Variants in APAF1 observed in about 807,000 individuals in gnomAD.
APAF1 encodes apoptotic peptidase activating factor 1, also known as apoptotic protease-activating factor 1.
In APAF1, 91 loss-of-function variants were observed where a neutral mutation model predicts 152.4. The ratio of observed to expected loss-of-function variants is 0.60; its 90% CI spans 0.50 to 0.71. The LOEUF (loss-of-function observed/expected upper bound fraction) is 0.71, where lower values mean the gene tolerates loss of function less well. APAF1 is among the 30% of genes least tolerant of loss of function. The pLI is 0.00. For synonymous variants in APAF1, 484 were observed against 494.1 expected, an observed-to-expected ratio of 0.98 and a Z score of 0.27; for missense variants, 1,283 against 1,472.0, an observed-to-expected ratio of 0.87 and a Z score of 2.10.
intron 16 of APAF1, among the ~76,000 whole-genome samples, chr12:98,690,176 G>C (rs1464950883): frequency 6.6e-6 from 1 of 152,218 alleles, no homozygotes; most frequent in Non-Finnish European, 1.5e-5. Flanking sequence ...TACTCTGGTT[G>C]AATCTTTGAT....
chr12:98,726,462 T>C (rs761360731), intron 25 of APAF1: 1 of 152,694 alleles, frequency 6.5e-6, no homozygotes, highest in Non-Finnish European at 1.5e-5. Context: ...GGAACAGGTA[T>C]ATAGTGCAGA....
chr12:98,649,441 A>G (rs201499126), intron 3 of APAF1, 46 bp from the exon 4 acceptor site: 2 of 1,591,616 alleles, frequency 1.3e-6, no homozygotes, highest in South Asian at 1.1e-5. Flanking sequence ...TTCAGTAATT[A>G]TTCCAAAGTT....
Position 98,671,076 on chromosome 12 carries a change from T to A in APAF1, c.1598T>A (p.Leu533Gln), listed in dbSNP as rs772870332. 6.3e-7 allele frequency: 1 copy of A among 1,582,178 alleles called. No homozygotes were observed. The highest frequency in any genetic ancestry group is 8.7e-7 in the Non-Finnish European group (1 of 1,151,840). ...IHEFVEYRHI[L>Q]DEKDCAVSEN... ...GAATTTGTGGAATACAGACATATAC[T>A]AGATGAAAAGGTATATATATTAACA... The change falls in exon 11 of 27, where the codon CTA becomes CAA. Residue 533 changes from leucine to glutamine, a missense_variant. By Grantham distance (113) the Leu-to-Gln change is moderately radical. Transcript: ENST00000551964.
intron 26 of APAF1, 137 bp downstream of exon 26, chr12:98,727,453 G>A (rs1226286708): frequency 2.1e-6 from 2 of 962,810 alleles, no homozygotes; most frequent in South Asian, 1.5e-5. Context: ...AGGCTAAGGT[G>A]GGAGGATCGC....
chr12:98,726,842 C>T, intron 25 of APAF1: 1 of 244,658 alleles, frequency 4.1e-6, no homozygotes, highest in Non-Finnish European at 8.0e-6. Flanking sequence ...TATGTACTAC[C>T]TTACTGAACT....
chr12:98,684,462 C>G (rs1435887298), intron 15 of APAF1, among the ~76,000 whole-genome samples: 2 of 150,444 alleles, frequency 1.3e-5, no homozygotes, highest in Admixed American at 1.3e-4. Flanking sequence ...CTCTCCTCCT[C>G]CCTCTCTTCT....
At chr12:98,674,067 C>T (rs965841672) in intron 12 of APAF1, among the ~76,000 whole-genome samples, 1 of 152,110 alleles carries the variant, frequency 6.6e-6, no homozygotes, top group Non-Finnish European at 1.5e-5. Flanking sequence ...ATGATCACTG[C>T]TCACTGTAGC....
chr12:98,667,712 C>CT (rs1346444821), intron 10 of APAF1, 68 bp downstream of exon 10: 5 of 1,415,426 alleles, frequency 3.5e-6, no homozygotes, highest in Middle Eastern at 1.8e-4. Flanking sequence ...CAAATAAGTG[C>CT]TTTTTTTCTG....
chr12:98,676,828 A>G (rs1347797778), intron 12 of APAF1, among the ~76,000 whole-genome samples: 1 of 152,114 alleles, frequency 6.6e-6, no homozygotes, highest in Non-Finnish European at 1.5e-5. Context: ...TATCTTTAGT[A>G]GAGACGGTGT....
chr12:98,703,623 T>C, intron 18 of APAF1, 124 bp downstream of exon 18: 1 of 1,220,462 alleles, frequency 8.2e-7, no homozygotes, highest in East Asian at 2.4e-5. Flanking sequence ...GTATTTTCTT[T>C]ATAGCCTAAT....
At chr12:98,672,763 A>AT (rs1175204147) in intron 12 of APAF1, among the ~76,000 whole-genome samples, 1 of 151,244 alleles carries the variant, frequency 6.6e-6, no homozygotes, top group Non-Finnish European at 1.5e-5. Flanking sequence ...ATTTTATTTT[A>AT]TTTTTTTTGA....
chr12:98,663,492 G>C (rs533960900), intron 7 of APAF1, among the ~76,000 whole-genome samples: 9 of 152,102 alleles, frequency 5.9e-5, no homozygotes, highest in African/African-American at 2.2e-4. Context: ...GGGACTACAG[G>C]CATGAGTCAC....
chr12:98,699,520 G>A lies in APAF1; in HGVS notation c.2417G>A (p.Trp806Ter). The change falls in exon 17 of 27, where the codon TGG becomes TAG. Residue 806 changes from tryptophan (W) to a stop codon, truncating the protein, a stop_gained. Transcript: ENST00000551964. LOFTEE classifies it high-confidence loss of function. ...GAAGTGATAGTGAAGTGTTGTTCGT[G>A]GTCTGCTGATGGTGCAAGGATAATG... ...DMEVIVKCCS[W>*]SADGARIMVA... The A allele has an allele frequency of 6.2e-7, 1 of 1,614,030 alleles. No individual in the cohort carries two copies. The highest frequency in any genetic ancestry group is 8.5e-7 in the Non-Finnish European group (1 of 1,179,992).
chr12:98,735,063 C>T lies in APAF1; in HGVS notation c.*2497C>T, dbSNP rs563089249. ...TGGAGTTTGAGTCCAGCCTGGGTGA[C>T]ATAGCAAGACCCTGTCTTAAAAGAA... is the stretch of plus-strand genomic sequence containing the variant. On this transcript the variant is annotated 3_prime_UTR_variant, in exon 27 of 27. Transcript: ENST00000551964. 5 of 395,718 alleles carry T rather than the reference C, an allele frequency of 1.3e-5. No homozygotes were observed. The highest frequency in any genetic ancestry group is 1.0e-4 in the African/African-American group (5 of 48,658). The allele number at this position is 395,718 out of a possible 1,614,324, so 24.5% of individuals were successfully genotyped here. A position where few individuals can be genotyped will look rare whatever the true frequency, so the allele number is the denominator to read the frequency against.
intron 26 of APAF1, among the ~76,000 whole-genome samples, chr12:98,732,082 C>T (rs1462605634): frequency 6.6e-6 from 1 of 152,150 alleles, no homozygotes; most frequent in Non-Finnish European, 1.5e-5. Flanking sequence ...TGCCCATTCT[C>T]CCGAGAAGGA....
chr12:98,730,941 A>G (rs2097760140), intron 26 of APAF1, among the ~76,000 whole-genome samples: 1 of 152,260 alleles, frequency 6.6e-6, no homozygotes, highest in South Asian at 2.1e-4. Context: ...ACTGAATGAC[A>G]AGAAATTCAC....
chr12:98,669,655 G>A (rs1393050249), intron 10 of APAF1, among the ~76,000 whole-genome samples: 2 of 152,056 alleles, frequency 1.3e-5, no homozygotes, highest in Non-Finnish European at 2.9e-5. Flanking sequence ...GTTGGTTGAT[G>A]GACAATTAGA....
chr12:98,686,908 T>G, intron 16 of APAF1, 35 bp downstream of exon 16: 1 of 1,604,206 alleles, frequency 6.2e-7, no homozygotes, highest in Non-Finnish European at 8.5e-7. Context: ...TAGGTTGTAT[T>G]TTATGGAAAG....
At chr12:98,696,629 G>A (rs766647595) in intron 16 of APAF1, among the ~76,000 whole-genome samples, 1 of 152,058 alleles carries the variant, frequency 6.6e-6, no homozygotes, top group African/African-American at 2.4e-5. Context: ...GTCTGTACTC[G>A]CCTGTGCTTG....
Sources: gnomAD v4.1 joint callset for allele counts (sites outside exome capture counted in the v4.1 genomes callset) on GRCh38, gnomAD v4.1.1 for gene constraint, MANE v1.5 for transcripts, NCBI Gene and HGNC (gene_info 2026-07-23, HGNC 2026-07-21) for gene names.